The following DNAH9 variants were observed in gnomAD, a reference collection of about 807,000 sequenced individuals.
The protein encoded by DNAH9 is dynein axonemal heavy chain 9, also known as DNAH9 variant protein.
Under a neutral mutation model 471.6 loss-of-function variants are expected in DNAH9, and 345 were observed. The ratio of observed to expected loss-of-function variants is 0.73; its 90% CI spans 0.67 to 0.80. The LOEUF (loss-of-function observed/expected upper bound fraction) is 0.80. Among genes scored for constraint, DNAH9 ranks in the 30% least tolerant of loss-of-function variants. The probability of loss-of-function intolerance (pLI) is 0.00; values close to 1 mark genes in which losing one functional copy is unlikely to be tolerated. For missense variants in DNAH9, 5,407 were observed against 5,609.2 expected, an observed-to-expected ratio of 0.96 and a Z score of 1.15; for synonymous variants, 2,093 against 2,123.6, an observed-to-expected ratio of 0.99 and a Z score of 0.40.
chr17:11,875,000 G>C lies in DNAH9; in HGVS notation c.10294G>C (p.Asp3432His). 1 of 1,614,124 alleles carries C rather than the reference G, an allele frequency of 6.2e-7. No homozygotes were observed. The highest frequency in any genetic ancestry group is 8.5e-7 in the Non-Finnish European group (1 of 1,180,012). ...GGATCCCCTGAGGATGCTGATGGAT[G>C]ATGCTGACGTGGCTGCCTGGCAGAA... ...ALDPLRMLMD[D>H]ADVAAWQNEG... The change falls in exon 53 of 69, where the codon GAT (aspartate) becomes CAT (histidine). Residue 3432 changes from aspartate (D) to histidine (H), a missense_variant. Coordinates refer to ENST00000262442, the MANE Select transcript of DNAH9 (RefSeq NM_001372.4).
intron 49 of DNAH9, among the ~76,000 whole-genome samples, chr17:11,836,573 A>G (rs1300812252): frequency 2.0e-5 from 3 of 152,178 alleles, no homozygotes; most frequent in Non-Finnish European, 2.9e-5. Context: ...AAGCTTTCCT[A>G]CAGCCAGACA....
In DNAH9 at chr17:11,632,649, G is replaced by A. The variant is rs371524835; in HGVS notation, c.1581G>A (p.Gly527=). The A allele has an allele frequency of 3.1e-6, 5 of 1,612,244 alleles. No homozygotes were observed. Among genetic ancestry groups the A allele is most frequent in the South Asian group, 2.2e-5 (2 of 91,030 alleles). Residue 527 remains glycine, a synonymous_variant, in exon 8 of 69, where the codon GGG becomes GGA. Transcript: ENST00000262442. ...TAGAAGATCTTGACCGAAGATTGGGGACTATCTTTATTCAAGCTTTTGATG... is the reference window on the plus strand; with the variant it reads ...TAGAAGATCTTGACCGAAGATTGGGAACTATCTTTATTCAAGCTTTTGATG... ...QKVEDLDRRL[G]TIFIQAFDDA...
intron 67 of DNAH9, among the ~76,000 whole-genome samples, chr17:11,959,427 T>C (rs1322391762): frequency 6.6e-6 from 1 of 152,344 alleles, no homozygotes; most frequent in East Asian, 1.9e-4. Flanking sequence ...ACATAAGCTA[T>C]ACATTGCATG....
chr17:11,777,772 G>A (rs571703981), intron 38 of DNAH9, among the ~76,000 whole-genome samples: 1 of 152,322 alleles, frequency 6.6e-6, no homozygotes, highest in South Asian at 2.1e-4. Context: ...AAAGGGCATT[G>A]TGCTTACAAT....
chr17:11,810,198 C>T (rs1317844382), intron 44 of DNAH9, 48 bp from the exon 45 acceptor site: 2 of 1,574,268 alleles, frequency 1.3e-6, no homozygotes, highest in Non-Finnish European at 1.7e-6. Context: ...AGTTCTCTTT[C>T]AAGGAGGCCT....
intron 67 of DNAH9, among the ~76,000 whole-genome samples, chr17:11,955,632 G>A (rs11651333): frequency 0.41 from 62,469 of 152,096 alleles, 14,218 homozygotes; most frequent in Middle Eastern, 0.55. Flanking sequence ...TTATGGTGCT[G>A]TAGTAAGAAT....
At chr17:11,704,074 T>A in intron 24 of DNAH9, 129 bp from the exon 25 acceptor site, 1 of 1,026,182 alleles carries the variant, frequency 9.7e-7, no homozygotes, top group Admixed American at 1.9e-5. Context: ...TAGTCAGTGC[T>A]GGTGGAAGAG....
Position 11,821,939 on chromosome 17 carries a change from C to A in DNAH9, c.8727C>A (p.Tyr2909Ter), listed in dbSNP as rs560475009. The part of the protein sequence containing the change: ...LLASGEIPDL[Y>*]SDDEVENIIS... ...TCCCAGGGGAGATCCCAGATCTCTA[C>A]TCTGATGATGAAGTTGAAAACATCA... The change falls in exon 46 of 69, where the codon TAC (tyrosine) becomes TAA (stop). Residue 2909 changes from tyrosine to a stop codon, truncating the protein, a stop_gained. Transcript: ENST00000262442. LOFTEE classifies it high-confidence loss of function. The A allele has an allele frequency of 2.5e-6, 4 of 1,613,746 alleles. No homozygotes were observed. The highest frequency in any genetic ancestry group is 3.3e-5 in the Admixed American group (2 of 59,928).
chr17:11,716,748 G>A (rs2074971327), intron 26 of DNAH9, among the ~76,000 whole-genome samples: 1 of 152,336 alleles, frequency 6.6e-6, no homozygotes, highest in East Asian at 1.9e-4. Flanking sequence ...AAAGAGGCCT[G>A]TGATGCACCC....
chr17:11,646,508 C>T (rs2073393932), intron 11 of DNAH9, among the ~76,000 whole-genome samples: 1 of 152,162 alleles, frequency 6.6e-6, no homozygotes, highest in South Asian at 2.1e-4. Context: ...CGAATCTTCC[C>T]CAGTAACTTC....
At chr17:11,819,077 A>G (rs1316781359) in intron 45 of DNAH9, among the ~76,000 whole-genome samples, 1 of 151,880 alleles carries the variant, frequency 6.6e-6, no homozygotes, top group East Asian at 1.9e-4. Context: ...AACATAGCCC[A>G]TTATCTCCAT....
chr17:11,676,616 C>T (rs879395688), intron 17 of DNAH9, among the ~76,000 whole-genome samples: 2 of 151,970 alleles, frequency 1.3e-5, no homozygotes, highest in Non-Finnish European at 2.9e-5. Flanking sequence ...TTCTGGTTTC[C>T]TTTCTTCTTG....
In DNAH9 at chr17:11,922,746, G is replaced by C. The variant is rs1460181151; in HGVS notation, c.11750-1068G>C. Reference sequence around the variant, plus strand: ...TCTATGTGTTGGGAATGATAGGAGAGGAGGTTAATAGGGCATAAAGTACAG... The same window carrying C: ...TCTATGTGTTGGGAATGATAGGAGACGAGGTTAATAGGGCATAAAGTACAG... On this transcript the variant is annotated intron_variant, in intron 61 of 68. Transcript: ENST00000262442. Among the ~76,000 whole-genome samples, 3 of 152,200 alleles carry C rather than the reference G, an allele frequency of 2.0e-5. No individual in the cohort carries two copies. In the East Asian group the frequency reaches 5.8e-4, roughly 29 times the overall value.
chr17:11,954,764 C>T (rs567814480), intron 67 of DNAH9, among the ~76,000 whole-genome samples: 34 of 114,322 alleles, frequency 3.0e-4, no homozygotes, highest in African/African-American at 9.8e-4. Flanking sequence ...GGCAAGACTT[C>T]GTCTTAAAAA....
intron 50 of DNAH9, among the ~76,000 whole-genome samples, chr17:11,859,652 C>A (rs188233493): frequency 6.6e-6 from 1 of 152,134 alleles, no homozygotes; most frequent in African/African-American, 2.4e-5. Context: ...TGGCTTCTGG[C>A]GAGGCCTCAG....
intron 49 of DNAH9, among the ~76,000 whole-genome samples, chr17:11,849,516 T>C (rs1204502499): frequency 6.6e-6 from 1 of 152,176 alleles, no homozygotes; most frequent in Non-Finnish European, 1.5e-5. Context: ...TGGACTGTCC[T>C]CCCCACTGTA....
At chr17:11,933,769 C>T in intron 64 of DNAH9, 111 bp from the exon 65 acceptor site, 1 of 968,248 alleles carries the variant, frequency 1.0e-6, no homozygotes, top group Non-Finnish European at 1.5e-6. Context: ...CTCTCAATCT[C>T]AAGAAGCGTC....
At chr17:11,825,814 T>C (rs905026200) in intron 48 of DNAH9, among the ~76,000 whole-genome samples, 2 of 152,340 alleles carry the variant, frequency 1.3e-5, no homozygotes, top group Non-Finnish European at 2.9e-5. Flanking sequence ...ACATACTATA[T>C]GGAAAAGCAT....
intron 66 of DNAH9, among the ~76,000 whole-genome samples, chr17:11,939,849 G>GATT (rs1462866686): frequency 8.5e-6 from 1 of 118,336 alleles, no homozygotes; most frequent in Non-Finnish European, 1.8e-5. Flanking sequence ...GATGGATGAT[G>GATT]GGTAGATGGG....
Sources: gnomAD v4.1 joint callset for allele counts (sites outside exome capture counted in the v4.1 genomes callset) on GRCh38, gnomAD v4.1.1 for gene constraint, MANE v1.5 for transcripts, NCBI Gene and HGNC (gene_info 2026-07-23, HGNC 2026-07-21) for gene names.